The following SOX6 variants were observed in gnomAD, a reference collection of about 807,000 sequenced individuals.
The protein encoded by SOX6 is SRY-box transcription factor 6, also known as transcription factor SOX-6.
In SOX6, 11 loss-of-function variants were observed where a neutral mutation model predicts 97.8. The ratio of observed to expected loss-of-function variants is 0.11; its 90% confidence interval spans 0.07 to 0.19. The LOEUF is 0.19. Among genes scored for constraint, SOX6 ranks in the 10% least tolerant of loss-of-function variants. The pLI is 1.00. For synonymous variants in SOX6, 360 were observed against 371.4 expected (o/e 0.97, Z 0.35); for missense variants, 810 against 1,039.5 (o/e 0.78, Z 3.04).
At position 16,418,700 on chromosome 11, in the gene SOX6, GA is replaced by G. The variant is rs147365969; in HGVS notation, c.-5+57614del. Among the ~76,000 whole-genome samples, 1,150 of 152,164 alleles carry G rather than the reference GA, an allele frequency of 7.6e-3. 10 individuals are homozygous for G. The highest frequency in any genetic ancestry group is 0.014 in the Admixed American group (216 of 15,260). Reference sequence around the variant, plus strand: ...AGTTGGGGGCAACAACAGGGAGTGGGAGGGGGGCCAGGGAGAGGGAGGGAAC... The same window carrying G: ...AGTTGGGGGCAACAACAGGGAGTGGGGGGGGGCCAGGGAGAGGGAGGGAAC... On this transcript the variant is annotated intron_variant, in intron 1 of 15. Coordinates refer to the SOX6 transcript ENST00000396356.
chr11:16,674,189 CAAAA>C (rs61516612), intron 3 of SOX6, among the ~76,000 whole-genome samples: 1 of 76,326 alleles, frequency 1.3e-5, no homozygotes, highest in African/African-American at 5.6e-5. Context: ...GACTCCATCT[CAAAA>C]AAAAAAAAAA....
At chr11:16,335,394 C>T (rs572768643) in intron 2 of SOX6, among the ~76,000 whole-genome samples, 21 of 152,030 alleles carry the variant, frequency 1.4e-4, no homozygotes, top group Non-Finnish European at 2.2e-4. Flanking sequence ...CTTCATAGGC[C>T]AATCAGGTAT....
chr11:16,665,228 C>T (rs1847798225), intron 3 of SOX6, among the ~76,000 whole-genome samples: 1 of 152,024 alleles, frequency 6.6e-6, no homozygotes, highest in African/African-American at 2.4e-5. Flanking sequence ...GATAGAGCAA[C>T]AAGCAGGCTC....
intron 3 of SOX6, among the ~76,000 whole-genome samples, chr11:16,655,923 C>A (rs11024010): frequency 6.6e-6 from 1 of 151,844 alleles, no homozygotes; most frequent in Admixed American, 6.6e-5. Flanking sequence ...GAGCTATGAT[C>A]ACACCACTGC....
intron 1 of SOX6, among the ~76,000 whole-genome samples, chr11:16,403,957 C>A (rs1858624879): frequency 6.6e-6 from 1 of 151,824 alleles, no homozygotes. Context: ...TTATGGTCAT[C>A]CCCAGTCTAT....
chr11:16,372,293 A>AAT (rs916839449), intron 1 of SOX6, among the ~76,000 whole-genome samples: 96 of 152,230 alleles, frequency 6.3e-4, no homozygotes, highest in African/African-American at 2.3e-3. Context: ...TCATCACACT[A>AAT]ACTAGGTATG....
chr11:16,584,603 A>G (rs995397552), intron 4 of SOX6, among the ~76,000 whole-genome samples: 1 of 152,188 alleles, frequency 6.6e-6, no homozygotes, highest in African/African-American at 2.4e-5. Flanking sequence ...ACCTATTGTC[A>G]TGAGGCAAAC....
At chr11:16,408,513 T>C (rs949382320) in intron 1 of SOX6, among the ~76,000 whole-genome samples, 1 of 152,192 alleles carries the variant, frequency 6.6e-6, no homozygotes, top group Non-Finnish European at 1.5e-5. Flanking sequence ...ATTAAAATTA[T>C]CATACAATTA....
At chr11:16,132,143 A>C (rs550673271) in intron 6 of SOX6, among the ~76,000 whole-genome samples, 2 of 151,480 alleles carry the variant, frequency 1.3e-5, no homozygotes, top group East Asian at 3.9e-4. Context: ...AATTTACCTA[A>C]GACTATACCA....
intron 2 of SOX6, among the ~76,000 whole-genome samples, chr11:16,338,994 T>C (rs567281117): frequency 6.6e-6 from 1 of 152,172 alleles, no homozygotes; most frequent in Non-Finnish European, 1.5e-5. Flanking sequence ...CTTCTACCCA[T>C]ATTTTCCAGT....
At chr11:16,352,811 A>G (rs1199534892) in intron 1 of SOX6, among the ~76,000 whole-genome samples, 1 of 152,022 alleles carries the variant, frequency 6.6e-6, no homozygotes, top group Admixed American at 6.6e-5. Flanking sequence ...ATATGTAATT[A>G]CTAGTTAACA....
chr11:16,683,263 G>GC (rs1198833663), intron 3 of SOX6, among the ~76,000 whole-genome samples: 2 of 152,132 alleles, frequency 1.3e-5, no homozygotes, highest in Non-Finnish European at 1.5e-5. Flanking sequence ...CCAAAAAGGA[G>GC]CCCACATAGC....
intron 6 of SOX6, among the ~76,000 whole-genome samples, chr11:16,118,592 T>C (rs1480932998): frequency 6.6e-6 from 1 of 152,222 alleles, no homozygotes; most frequent in Non-Finnish European, 1.5e-5. Context: ...ACAGGTGCTA[T>C]TGTTTGTCCC....
rs185882869 is a variant in SOX6 at position 16,501,537 on chromosome 11, G to A, written n.610-25149C>T. Among the ~76,000 whole-genome samples, 1,148 of 151,812 alleles carry A rather than the reference G, an allele frequency of 7.6e-3. 22 individuals are homozygous for A. The highest frequency in any genetic ancestry group is 0.027 in the African/African-American group (1,113 of 41,234). On this transcript the variant is annotated intron_variant and non_coding_transcript_variant, in intron 4 of 5. Coordinates refer to the SOX6 transcript ENST00000524520. ...AGTGAACAGGCAACCTACAGAATGG[G>A]AGAAAATTTTTGCAATCTACTCATC...
intron 4 of SOX6, among the ~76,000 whole-genome samples, chr11:16,575,249 A>G (rs977996842): frequency 6.6e-6 from 1 of 152,192 alleles, no homozygotes; most frequent in Non-Finnish European, 1.5e-5. Context: ...GACAACATCA[A>G]TTGTTAGCAA....
intron 2 of SOX6, among the ~76,000 whole-genome samples, chr11:16,720,528 C>T (rs1182139421): frequency 1.6e-5 from 2 of 121,380 alleles, no homozygotes; most frequent in Non-Finnish European, 3.4e-5. Flanking sequence ...GAACATCACA[C>T]TCTGGGGCCT....
At chr11:16,365,041 G>A (rs560841563) in intron 1 of SOX6, among the ~76,000 whole-genome samples, 5 of 152,196 alleles carry the variant, frequency 3.3e-5, no homozygotes, top group South Asian at 4.2e-4. Context: ...AAATAGGTGA[G>A]TATAGCACAA....
chr11:16,104,955 C>T (rs1849041870), intron 7 of SOX6, among the ~76,000 whole-genome samples: 1 of 151,452 alleles, frequency 6.6e-6, no homozygotes, highest in South Asian at 2.1e-4. Context: ...CGGATTCTGC[C>T]AAATGTTTAA....
At chr11:16,428,526 T>C (rs1309818112) in intron 1 of SOX6, among the ~76,000 whole-genome samples, 1 of 152,204 alleles carries the variant, frequency 6.6e-6, no homozygotes, top group Non-Finnish European at 1.5e-5. Context: ...AGGGATCCAG[T>C]TTCAGCTTTC....
Sources: gnomAD v4.1 joint callset for allele counts (sites outside exome capture counted in the v4.1 genomes callset) on GRCh38, gnomAD v4.1.1 for gene constraint, MANE v1.5 for transcripts, NCBI Gene and HGNC (gene_info 2026-07-23, HGNC 2026-07-21) for gene names.